FEM1C: variants seen among roughly 807,000 people sequenced by gnomAD.
The protein encoded by FEM1C is fem-1 homolog C.
In FEM1C, 15 loss-of-function variants were observed where a neutral mutation model predicts 37.6. The ratio of observed to expected loss-of-function variants is 0.40; its 90% confidence interval spans 0.27 to 0.61. The LOEUF (loss-of-function observed/expected upper bound fraction) is 0.61, where lower values mean the gene tolerates loss of function less well. Among genes scored for constraint, FEM1C ranks in the 20% least tolerant of loss-of-function variants. FEM1C has a pLI of 0.42. For synonymous variants in FEM1C, 287 were observed against 272.8 expected (o/e 1.05, Z -0.51); for missense variants, 532 against 749.7 (o/e 0.71, Z 3.39).
intron 2 of FEM1C, among the ~76,000 whole-genome samples, chr5:115,538,054 A>C (rs1411611663): frequency 1.3e-5 from 2 of 152,068 alleles, no homozygotes; most frequent in Non-Finnish European, 2.9e-5. Context: ...GAGAAATAAT[A>C]TAAAGCCTTG....
chr5:115,544,188 AAAC>A, intron 1 of FEM1C: 1 of 985,136 alleles, frequency 1.0e-6, no homozygotes, highest in South Asian at 4.7e-5. Flanking sequence ...CTTTCCTTTA[AAAC>A]TACTCACGGC....
intron 2 of FEM1C, among the ~76,000 whole-genome samples, chr5:115,537,848 CTAAAG>C (rs1754159921): frequency 6.6e-6 from 1 of 152,008 alleles, no homozygotes; most frequent in Non-Finnish European, 1.5e-5. Context: ...TCAGATAGTA[CTAAAG>C]TATACTAAAA....
intron 2 of FEM1C, among the ~76,000 whole-genome samples, chr5:115,540,580 T>A (rs1036710443): frequency 2.6e-5 from 4 of 152,140 alleles, no homozygotes; most frequent in African/African-American, 9.6e-5. Context: ...ATAGTGGTGA[T>A]AAAGGGAACA....
At chr5:115,526,146 C>A (rs957592860) in intron 2 of FEM1C, among the ~76,000 whole-genome samples, 1 of 152,054 alleles carries the variant, frequency 6.6e-6, no homozygotes, top group Non-Finnish European at 1.5e-5. Flanking sequence ...CAGGTGTGAG[C>A]CACAATGCCT....
At position 115,522,659 on chromosome 5, in the gene FEM1C, G is replaced by A. The variant is rs2127167711; in HGVS notation, c.*1649C>T. ...TTGCATTGATGACTCCTTAAATAGTGTAACATCAACCCTCAGAATAAAATG... is the reference window on the plus strand; with the variant it reads ...TTGCATTGATGACTCCTTAAATAGTATAACATCAACCCTCAGAATAAAATG... On this transcript the variant is annotated 3_prime_UTR_variant, in exon 3 of 3. Coordinates refer to ENST00000274457, the MANE Select transcript of FEM1C (RefSeq NM_020177.3). The A allele has an allele frequency of 6.6e-6, 1 of 152,302 alleles. No individual in the cohort carries two copies. The highest frequency in any genetic ancestry group is 1.5e-5 in the Non-Finnish European group (1 of 67,872). The allele number at this position is 152,302 out of a possible 1,614,324, so 9.4% of individuals were successfully genotyped here.
Position 115,524,829 on chromosome 5 carries a change from T to A in FEM1C, c.1333A>T (p.Ile445Phe). 1 of 1,608,564 alleles carries A rather than the reference T, an allele frequency of 6.2e-7. No homozygotes were observed. ...PLQLNKALSI[I>F]LHLICLLEKV... ...TCTAACAAGCAAATTAAGTGCAAAA[T>A]AATAGAAAGGGCCTTATTTAACTGT... The change falls in exon 3 of 3, where the codon ATT becomes TTT. Residue 445 changes from isoleucine (I) to phenylalanine (F), a missense_variant. Transcript: ENST00000274457.
intron 2 of FEM1C, among the ~76,000 whole-genome samples, chr5:115,533,324 A>G (rs1754056044): frequency 6.6e-6 from 1 of 152,032 alleles, no homozygotes; most frequent in Non-Finnish European, 1.5e-5. Context: ...TTCTATGTAT[A>G]AGCACTTTAT....
Position 115,543,554 on chromosome 5 carries a change from C to T in FEM1C, c.-61G>A, listed in dbSNP as rs1271202979. ...TTCAAAGCAGAGCTCCAGTTTAACT[C>T]TATCGACACAGGCAAGAGTCACAGG... On this transcript the variant is annotated 5_prime_UTR_variant, in exon 2 of 3. Coordinates refer to ENST00000274457, the MANE Select transcript of FEM1C (RefSeq NM_020177.3). 2 of 1,527,510 alleles carry T rather than the reference C, an allele frequency of 1.3e-6. No homozygotes were observed. The highest frequency in any genetic ancestry group is 1.7e-6 in the Non-Finnish European group (2 of 1,148,778). The allele number at this position is 1,527,510 out of a possible 1,614,324, so 94.6% of individuals were successfully genotyped here.
At chr5:115,538,973 C>G (rs768342880) in intron 2 of FEM1C, among the ~76,000 whole-genome samples, 15 of 151,988 alleles carry the variant, frequency 9.9e-5, no homozygotes, top group Non-Finnish European at 1.9e-4. Flanking sequence ...AGTCAGTACA[C>G]CCGCTCTAAA....
At chr5:115,530,457 A>C (rs1187123767) in intron 2 of FEM1C, among the ~76,000 whole-genome samples, 5 of 152,172 alleles carry the variant, frequency 3.3e-5, no homozygotes, top group African/African-American at 1.2e-4. Context: ...ATCTAAACAT[A>C]TCTTTCTCAG....
chr5:115,524,484 G>C lies in FEM1C; in HGVS notation c.1678C>G (p.His560Asp). The C allele has an allele frequency of 1.9e-6, 3 of 1,612,724 alleles. No homozygotes were observed. Among genetic ancestry groups the C allele is most frequent in the South Asian group, 1.1e-5 (1 of 90,842 alleles). The change falls in exon 3 of 3, where the codon CAC becomes GAC. Residue 560 changes from histidine (H) to aspartate (D), a missense_variant. This residue lies in a region of FEM1C where 237 missense variants were observed against 260.5 expected (regional missense o/e 0.91). Transcript: ENST00000274457. ...SGAHFDATNLHKQTASDLLDE... is the reference protein window; with the variant it reads ...SGAHFDATNLDKQTASDLLDE... ...AGCAAGTCACTAGCAGTTTGTTTGT[G>C]CAAGTTTGTGGCATCAAAATGTGCA...
At chr5:115,528,001 GAA>G (rs58897289) in intron 2 of FEM1C, among the ~76,000 whole-genome samples, 5 of 87,086 alleles carry the variant, frequency 5.7e-5, no homozygotes, top group African/African-American at 2.1e-4. Context: ...CTTCGTCTCA[GAA>G]AAAAAAAAAA....
intron 2 of FEM1C, among the ~76,000 whole-genome samples, chr5:115,529,679 A>G (rs1236245150): frequency 3.3e-5 from 5 of 152,082 alleles, no homozygotes; most frequent in Non-Finnish European, 7.4e-5. Context: ...CTTGAAATAC[A>G]TACATAGAAA....
chr5:115,541,860 G>A (rs1754248904), intron 2 of FEM1C, among the ~76,000 whole-genome samples: 1 of 152,088 alleles, frequency 6.6e-6, no homozygotes. Context: ...AAGTATGCTT[G>A]TATTTGCATA....
chr5:115,533,259 ACTTTATTTT>A (rs1264259790), intron 2 of FEM1C, among the ~76,000 whole-genome samples: 1 of 151,970 alleles, frequency 6.6e-6, no homozygotes, highest in African/African-American at 2.4e-5. Context: ...CTGTTTATAA[ACTTTATTTT>A]CTTTTATGCC....
intron 2 of FEM1C, among the ~76,000 whole-genome samples, chr5:115,533,451 A>G (rs1172526477): frequency 1.3e-5 from 2 of 152,072 alleles, no homozygotes; most frequent in South Asian, 2.1e-4. Flanking sequence ...ATAACAAGCC[A>G]AATTTAAAAA....
chr5:115,535,265 ACAC>A (rs1754100461), intron 2 of FEM1C, among the ~76,000 whole-genome samples: 1 of 137,878 alleles, frequency 7.3e-6, no homozygotes, highest in African/African-American at 2.8e-5. Context: ...ATTGGTATAA[ACAC>A]CACCATCAAA....
At chr5:115,526,714 A>C (rs1038278338) in intron 2 of FEM1C, among the ~76,000 whole-genome samples, 1 of 152,184 alleles carries the variant, frequency 6.6e-6, no homozygotes, top group African/African-American at 2.4e-5. Context: ...GTAGCATGGC[A>C]GGCTGAGACT....
intron 2 of FEM1C, among the ~76,000 whole-genome samples, chr5:115,531,825 G>A (rs537357053): frequency 6.6e-6 from 1 of 151,960 alleles, no homozygotes; most frequent in South Asian, 2.1e-4. Context: ...AAATGGGGTG[G>A]GCTGGATTTG....
Sources: allele counts gnomAD v4.1 joint callset (sites outside exome capture counted in the v4.1 genomes callset), GRCh38; gene constraint gnomAD v4.1.1; regional missense constraint gnomAD v4.1.1; transcripts MANE v1.5; gene names NCBI Gene and HGNC (gene_info 2026-07-23, HGNC 2026-07-21).